The following FHIP1A variants were observed in gnomAD, a reference collection of about 807,000 sequenced individuals.
FHIP1A encodes FHF complex subunit HOOK interacting protein 1A, also known as FHF complex subunit HOOK-interacting protein 1A.
In FHIP1A, 61 loss-of-function variants were observed where a neutral mutation model predicts 88.6. The observed-to-expected ratio is 0.69, with a 90% CI of 0.56 to 0.85. The LOEUF is 0.85. Among genes scored for constraint, FHIP1A ranks in the 40% least tolerant of loss-of-function variants. FHIP1A has a pLI of 0.00. For synonymous variants in FHIP1A, 478 were observed against 496.0 expected, an observed-to-expected ratio of 0.96 and a Z score of 0.48; for missense variants, 1,154 against 1,273.5, an observed-to-expected ratio of 0.91 and a Z score of 1.43.
At chr4:151,435,583 A>T (rs1728149953) in intron 1 of FHIP1A, among the ~76,000 whole-genome samples, 1 of 152,046 alleles carries the variant, frequency 6.6e-6, no homozygotes, top group Admixed American at 6.6e-5. Flanking sequence ...TCAGGAGTTC[A>T]GGACCAGCCT....
At chr4:151,478,900 A>G (rs1729803491) in intron 2 of FHIP1A, among the ~76,000 whole-genome samples, 1 of 152,052 alleles carries the variant, frequency 6.6e-6, no homozygotes, top group Admixed American at 6.6e-5. Context: ...TATTTCTAAG[A>G]TACTTGTGGT....
Position 151,656,913 on chromosome 4 carries a change from T to C in FHIP1A, c.2869+15T>C. The stretch of plus-strand genomic sequence containing the variant: ...ACTAACCAAAGGTAAGCCAGGTTTC[T>C]CCACAGCGCCCCTCCTTAAATTCCT... On this transcript the variant is annotated intron_variant, in intron 13 of 13. Coordinates refer to ENST00000435205, the MANE Select transcript of FHIP1A (RefSeq NM_001109977.3). This position sits in a 1 kb window ranked among gnomAD's most constrained non-coding sequence, Gnocchi z 4.2. 2 of 1,543,992 alleles carry C rather than the reference T, an allele frequency of 1.3e-6. No homozygotes were observed. The highest frequency in any genetic ancestry group is 2.4e-5 in the South Asian group (2 of 83,172).
At chr4:151,493,202 T>C (rs1730345822) in intron 3 of FHIP1A, among the ~76,000 whole-genome samples, 1 of 152,176 alleles carries the variant, frequency 6.6e-6, no homozygotes, top group South Asian at 2.1e-4. Flanking sequence ...TGAACACCTT[T>C]ATGGCTACAG....
rs1166642890 is a variant in FHIP1A, at chr4:151,468,051, G to A, written c.-248+13243G>A. On this transcript the variant is annotated intron_variant, in intron 2 of 13. Transcript: ENST00000435205. ...TGTAATCCCAGCACTTGGGGAGGCC[G>A]AGGAGGGCGGATCACGAGGTCAGGA... Among the ~76,000 whole-genome samples the A allele has an allele frequency of 8.0e-5, 12 of 150,938 alleles. No homozygotes were observed. The South Asian group carries it at 1.5e-3, about 18-fold the overall frequency.
chr4:151,549,187 C>T (rs1198690827), intron 3 of FHIP1A, among the ~76,000 whole-genome samples: 2 of 152,006 alleles, frequency 1.3e-5, no homozygotes, highest in Admixed American at 6.5e-5. Flanking sequence ...TGGGATGAGT[C>T]AGGACAGAGC....
At chr4:151,553,808 T>C (rs1239410598) in intron 3 of FHIP1A, among the ~76,000 whole-genome samples, 1 of 152,208 alleles carries the variant, frequency 6.6e-6, no homozygotes, top group Non-Finnish European at 1.5e-5. Flanking sequence ...CACTGTTCTG[T>C]TGACCTTATG....
chr4:151,462,897 G>T (rs536462170), intron 2 of FHIP1A, among the ~76,000 whole-genome samples: 1 of 152,132 alleles, frequency 6.6e-6, no homozygotes, highest in Admixed American at 6.5e-5. Context: ...ACTTAGTATT[G>T]TATTTTATGC....
chr4:151,622,904 T>A (rs1336812438), intron 7 of FHIP1A, among the ~76,000 whole-genome samples: 1 of 152,166 alleles, frequency 6.6e-6, no homozygotes, highest in Non-Finnish European at 1.5e-5. Flanking sequence ...GGTTCAAGTA[T>A]AATGGATCAT....
intron 7 of FHIP1A, among the ~76,000 whole-genome samples, chr4:151,599,864 CTT>C (rs1734796338): frequency 6.6e-6 from 1 of 152,186 alleles, no homozygotes; most frequent in African/African-American, 2.4e-5. Context: ...ATAGAGACCT[CTT>C]TCCTGGTGTA....
intron 7 of FHIP1A, among the ~76,000 whole-genome samples, chr4:151,628,345 A>C (rs970422231): frequency 6.6e-6 from 1 of 152,216 alleles, no homozygotes; most frequent in African/African-American, 2.4e-5. Flanking sequence ...TCCAGAAGAA[A>C]GCTGAGCACC....
rs1734612486 is a variant in FHIP1A, at chr4:151,595,500, G to A, written c.978+6574G>A. Among the ~76,000 whole-genome samples, 3 of 152,308 alleles carry A rather than the reference G, an allele frequency of 2.0e-5. No homozygotes were observed. The South Asian group carries it at 6.2e-4, about 32-fold the overall frequency. ...TGCTGAGAAGAATGTATATTCTGTT[G>A]ATTTGGGGTGGAGAGTCCTGTAGAT... On this transcript the variant is annotated intron_variant, in intron 7 of 13. Coordinates refer to ENST00000435205, the MANE Select transcript of FHIP1A (RefSeq NM_001109977.3).
At chr4:151,567,656 A>G (rs1431639661) in intron 4 of FHIP1A, among the ~76,000 whole-genome samples, 3 of 152,216 alleles carry the variant, frequency 2.0e-5, no homozygotes, top group South Asian at 2.1e-4. Context: ...GAATGAGCCC[A>G]GTAGTTCATT....
At chr4:151,477,852 G>A (rs1729762035) in intron 2 of FHIP1A, among the ~76,000 whole-genome samples, 1 of 152,102 alleles carries the variant, frequency 6.6e-6, no homozygotes, top group African/African-American at 2.4e-5. Context: ...AGAGAGTATA[G>A]GTGCAAAACA....
At chr4:151,460,012 T>A (rs1362488674) in intron 2 of FHIP1A, among the ~76,000 whole-genome samples, 1 of 152,188 alleles carries the variant, frequency 6.6e-6, no homozygotes, top group East Asian at 1.9e-4. Context: ...TGCTTATGAT[T>A]GTTTATGTTT....
chr4:151,472,537 C>T (rs186195264), intron 2 of FHIP1A, among the ~76,000 whole-genome samples: 4 of 151,756 alleles, frequency 2.6e-5, no homozygotes, highest in Admixed American at 1.3e-4. Context: ...TTACAAGGTG[C>T]CCTGTGATTG....
At chr4:151,431,022 T>C (rs1183315154) in intron 1 of FHIP1A, among the ~76,000 whole-genome samples, 2 of 150,446 alleles carry the variant, frequency 1.3e-5, no homozygotes, top group Non-Finnish European at 3.0e-5. Flanking sequence ...TATTTACTTA[T>C]GCAAATACAT....
chr4:151,591,446 A>C (rs1250243288), intron 7 of FHIP1A, among the ~76,000 whole-genome samples: 5 of 151,180 alleles, frequency 3.3e-5, no homozygotes, highest in Non-Finnish European at 5.9e-5. Flanking sequence ...TTAATTCTTT[A>C]TTTATTTTTA....
intron 7 of FHIP1A, among the ~76,000 whole-genome samples, chr4:151,590,412 A>G (rs1356182099): frequency 6.6e-6 from 1 of 152,212 alleles, no homozygotes; most frequent in East Asian, 1.9e-4. Context: ...CTCTTTATTC[A>G]TAATTGAGGA....
At chr4:151,599,536 G>A (rs961751815) in intron 7 of FHIP1A, among the ~76,000 whole-genome samples, 2 of 152,186 alleles carry the variant, frequency 1.3e-5, no homozygotes, top group African/African-American at 4.8e-5. Flanking sequence ...GAGAAGGCTG[G>A]CTGGAAGTGT....
Sources: allele counts gnomAD v4.1 joint callset (sites outside exome capture counted in the v4.1 genomes callset), GRCh38; gene constraint gnomAD v4.1.1; non-coding constraint Gnocchi (gnomAD v3.1); transcripts MANE v1.5; gene names NCBI Gene and HGNC (gene_info 2026-07-23, HGNC 2026-07-21).